Variants in ADGRD1 observed in about 807,000 individuals in gnomAD.
ADGRD1 encodes G-protein coupled receptor 133.
A neutral mutation model predicts 113.4 loss-of-function variants in ADGRD1; 77 were observed. The observed-to-expected ratio is 0.68, with a 90% CI of 0.57 to 0.82. The LOEUF (loss-of-function observed/expected upper bound fraction) is 0.82. Ranked by LOEUF, ADGRD1 falls within the 40% of genes least tolerant of loss-of-function variation. The probability of loss-of-function intolerance (pLI) is 0.00; values close to 1 mark genes in which losing one functional copy is unlikely to be tolerated. For synonymous variants in ADGRD1, 474 were observed against 475.0 expected (o/e 1.00, Z 0.03); for missense variants, 1,036 against 1,139.1 (o/e 0.91, Z 1.30).
intron 17 of ADGRD1, 143 bp downstream of exon 17, chr12:131,106,008 G>C: frequency 3.0e-6 from 2 of 659,846 alleles, no homozygotes; most frequent in Admixed American, 2.5e-5. Flanking sequence ...TTTCTCGGGG[G>C]AAGCAGAGAT....
chr12:131,094,994 C>T (rs1009572919), intron 15 of ADGRD1, among the ~76,000 whole-genome samples: 3 of 151,960 alleles, frequency 2.0e-5, no homozygotes, highest in African/African-American at 7.2e-5. Flanking sequence ...CAGTCTCCCT[C>T]GAGACGCCCC....
At chr12:130,964,036 T>C (rs1306600264) in intron 2 of ADGRD1, among the ~76,000 whole-genome samples, 1 of 152,218 alleles carries the variant, frequency 6.6e-6, no homozygotes, top group African/African-American at 2.4e-5. Context: ...TGGGCATCAC[T>C]TGATATATTT....
chr12:131,096,537 TG>T lies in ADGRD1; in HGVS notation c.1672-8292del, dbSNP rs1464268064. ...CCGCGGGTGGACACTGAAGTCATGG[TG>T]GTCTTTGGCCGCAGCAAATAACCAG... On this transcript the variant is annotated intron_variant, in intron 15 of 24. Transcript: ENST00000261654. The surrounding 1 kb of genome is among the most constrained non-coding windows in gnomAD (Gnocchi z 5.2). Among the ~76,000 whole-genome samples, 1 of 152,248 alleles carries T rather than the reference TG, an allele frequency of 6.6e-6. No homozygotes were observed. Among genetic ancestry groups the T allele is most frequent in the African/African-American group, 2.4e-5 (1 of 41,462 alleles).
intron 4 of ADGRD1, among the ~76,000 whole-genome samples, chr12:130,980,181 T>C (rs1292352823): frequency 6.6e-6 from 1 of 151,832 alleles, no homozygotes; most frequent in Non-Finnish European, 1.5e-5. Context: ...CTCGGCTCAC[T>C]GCAAGCTCTG....
At chr12:131,100,918 G>T (rs1950055259) in intron 15 of ADGRD1, among the ~76,000 whole-genome samples, 1 of 152,202 alleles carries the variant, frequency 6.6e-6, no homozygotes. Flanking sequence ...AAATCTGTCT[G>T]TTGAATCAGT....
intron 15 of ADGRD1, among the ~76,000 whole-genome samples, chr12:131,098,708 C>G (rs1396487040): frequency 6.6e-6 from 1 of 152,220 alleles, no homozygotes; most frequent in Non-Finnish European, 1.5e-5. Context: ...ACCTCCGCCA[C>G]CGCCCCTGTG....
intron 18 of ADGRD1, among the ~76,000 whole-genome samples, chr12:131,115,740 G>A (rs1366294709): frequency 1.3e-5 from 2 of 152,190 alleles, no homozygotes; most frequent in Non-Finnish European, 1.5e-5. Flanking sequence ...CCAGGTTACC[G>A]TGTGAGAGTT....
intron 2 of ADGRD1, chr12:130,962,559 A>G (rs1870483890): frequency 6.6e-6 from 1 of 152,148 alleles, no homozygotes; most frequent in South Asian, 2.1e-4. Context: ...CCTAGACTTT[A>G]GGGGGAAAAA....
chr12:131,037,471 C>T (rs1240346123), intron 13 of ADGRD1, among the ~76,000 whole-genome samples: 3 of 144,432 alleles, frequency 2.1e-5, no homozygotes, highest in African/African-American at 5.2e-5. Flanking sequence ...ACTCACTGCA[C>T]CGGGCCTCAC....
intron 15 of ADGRD1, among the ~76,000 whole-genome samples, chr12:131,088,239 G>A (rs573978070): frequency 8.5e-5 from 13 of 152,148 alleles, no homozygotes; most frequent in Admixed American, 2.0e-4. Context: ...GTCGCCCGTC[G>A]TTCAACAGCG....
rs901391135 is a variant in ADGRD1, at chr12:130,992,573, C to T, written c.966+181C>T. On this transcript the variant is annotated intron_variant, in intron 8 of 24. Coordinates refer to ENST00000261654, the MANE Select transcript of ADGRD1 (RefSeq NM_198827.5). The stretch of plus-strand genomic sequence containing the variant: ...GGCCCTCCTGGCCAGCTCTGTACAG[C>T]TCAGCGGAGCTTCCTTTATGGGCAC... 9.5e-6 allele frequency: 5 copies of T among 526,832 alleles called. 1 individual carries two copies. The highest frequency in any genetic ancestry group is 9.3e-5 in the South Asian group (3 of 32,394). The allele number at this position is 526,832 out of a possible 1,614,324, so 32.6% of individuals were successfully genotyped here.
chr12:131,038,620 G>A (rs1881790794), intron 13 of ADGRD1, among the ~76,000 whole-genome samples: 1 of 152,220 alleles, frequency 6.6e-6, no homozygotes, highest in South Asian at 2.1e-4. Context: ...GGGGTAGGTG[G>A]ACACTCATCA....
chr12:131,118,482 A>C, intron 19 of ADGRD1, 31 bp downstream of exon 19: 3 of 1,554,694 alleles, frequency 1.9e-6, no homozygotes, highest in Non-Finnish European at 2.6e-6. Flanking sequence ...TGCTTTTGGC[A>C]GGCGTTCCAT....
chr12:131,007,754 T>C (rs1424371654), intron 12 of ADGRD1, among the ~76,000 whole-genome samples: 2 of 152,250 alleles, frequency 1.3e-5, no homozygotes, highest in Non-Finnish European at 2.9e-5. Flanking sequence ...ATTTACGTGC[T>C]GAAGCCAAAG....
intron 21 of ADGRD1, among the ~76,000 whole-genome samples, chr12:131,133,650 G>T (rs1257599126): frequency 6.6e-6 from 1 of 152,200 alleles, no homozygotes; most frequent in Non-Finnish European, 1.5e-5. Context: ...TCTCCATTGT[G>T]CAACCCAGCA....
chr12:131,004,109 A>T, intron 10 of ADGRD1, 77 bp from the exon 11 acceptor site: 3 of 854,058 alleles, frequency 3.5e-6, no homozygotes, highest in South Asian at 2.8e-5. Context: ...AGAAAAGCAG[A>T]CGGGGTTTTG....
intron 13 of ADGRD1, chr12:131,024,687 A>G (rs1047914430): frequency 6.6e-6 from 1 of 152,214 alleles, no homozygotes; most frequent in African/African-American, 2.4e-5. Context: ...GCTTTGTGTA[A>G]GTCCCCTCTG....
At chr12:130,955,053 G>A (rs1355509836) in intron 2 of ADGRD1, among the ~76,000 whole-genome samples, 1 of 150,754 alleles carries the variant, frequency 6.6e-6, no homozygotes, top group Admixed American at 6.6e-5. Context: ...TCTGCCTCCC[G>A]GGTTCAAGCA....
chr12:131,105,590 C>T (rs975271887), intron 16 of ADGRD1, among the ~76,000 whole-genome samples, 164 bp from the exon 17 acceptor site: 1 of 152,172 alleles, frequency 6.6e-6, no homozygotes, highest in Non-Finnish European at 1.5e-5. Flanking sequence ...GGGTCAGATC[C>T]AAGAGCAATA....
Sources: allele counts gnomAD v4.1 joint callset (sites outside exome capture counted in the v4.1 genomes callset), GRCh38; gene constraint gnomAD v4.1.1; non-coding constraint Gnocchi (gnomAD v3.1); transcripts MANE v1.5; gene names NCBI Gene and HGNC (gene_info 2026-07-23, HGNC 2026-07-21).